The following PEX5L variants were observed in gnomAD, a reference collection of about 807,000 sequenced individuals.
The protein encoded by PEX5L is PEX5-related protein.
Under a neutral mutation model 84.0 loss-of-function variants are expected in PEX5L, and 30 were observed. That is an observed-to-expected ratio of 0.36 (90% CI 0.27 to 0.48). PEX5L has a LOEUF of 0.48. Among genes scored for constraint, PEX5L ranks in the 20% least tolerant of loss-of-function variants. PEX5L has a pLI of 0.99. For missense variants in PEX5L, 533 were observed against 754.6 expected (o/e 0.71, Z 3.44); for synonymous variants, 270 against 283.1 (o/e 0.95, Z 0.46).
chr3:180,001,727 T>C (rs1788437728), intron 1 of PEX5L, among the ~76,000 whole-genome samples: 2 of 152,210 alleles, frequency 1.3e-5, no homozygotes, highest in African/African-American at 4.8e-5. Flanking sequence ...TTGACATAAA[T>C]GCTTTACTGG....
At chr3:179,826,912 C>T (rs1242335972) in intron 8 of PEX5L, among the ~76,000 whole-genome samples, 1 of 152,114 alleles carries the variant, frequency 6.6e-6, no homozygotes, top group East Asian at 1.9e-4. Flanking sequence ...GATGTGGATG[C>T]TACCCTCAAG....
intron 2 of PEX5L, among the ~76,000 whole-genome samples, chr3:179,907,329 A>G (rs547001782): frequency 1.1e-4 from 17 of 151,776 alleles, no homozygotes; most frequent in African/African-American, 3.4e-4. Context: ...TCTTTGTTTT[A>G]GTTTTGAGAT....
chr3:180,018,720 G>A (rs1392266668), intron 1 of PEX5L, among the ~76,000 whole-genome samples: 1 of 152,158 alleles, frequency 6.6e-6, no homozygotes, highest in Non-Finnish European at 1.5e-5. Flanking sequence ...CAGAAAGCTT[G>A]AGGTAAACAT....
At chr3:179,993,228 C>T (rs780159498) in intron 1 of PEX5L, among the ~76,000 whole-genome samples, 5 of 152,058 alleles carry the variant, frequency 3.3e-5, no homozygotes, top group East Asian at 1.9e-4. Context: ...AATTTGAGCA[C>T]GTAATTAATA....
chr3:180,003,653 C>T (rs2110432909), intron 1 of PEX5L, among the ~76,000 whole-genome samples: 1 of 152,150 alleles, frequency 6.6e-6, no homozygotes, highest in Admixed American at 6.5e-5. Flanking sequence ...TATGATACAA[C>T]CGTTCTTCAA....
chr3:180,004,700 T>C (rs544339620), intron 1 of PEX5L, among the ~76,000 whole-genome samples: 26 of 152,216 alleles, frequency 1.7e-4, no homozygotes, highest in Admixed American at 8.5e-4. Context: ...CAAGATATAC[T>C]GAAGTTAAAC....
chr3:179,962,338 C>T (rs536130077), intron 2 of PEX5L, among the ~76,000 whole-genome samples: 17 of 152,290 alleles, frequency 1.1e-4, no homozygotes, highest in African/African-American at 3.6e-4. Context: ...GGCTGCAGAT[C>T]CCAAGTTCAA....
chr3:180,014,523 G>T (rs989805064), intron 1 of PEX5L, among the ~76,000 whole-genome samples: 1 of 151,958 alleles, frequency 6.6e-6, no homozygotes, highest in African/African-American at 2.4e-5. Context: ...GGAAAGTAGG[G>T]CTATTACTTT....
chr3:179,849,435 G>A (rs2339913), intron 8 of PEX5L, among the ~76,000 whole-genome samples: 73,123 of 152,034 alleles, frequency 0.48, 18,998 homozygotes, highest in East Asian at 0.75. Flanking sequence ...TTTCAACCAC[G>A]CATTTTACTA....
At chr3:179,961,141 G>A (rs964834768) in intron 2 of PEX5L, among the ~76,000 whole-genome samples, 17 of 151,472 alleles carry the variant, frequency 1.1e-4, no homozygotes, top group African/African-American at 4.1e-4. Context: ...AGATCATTTG[G>A]CCAAAAAATA....
At chr3:179,897,916 T>C (rs1289710636) in intron 3 of PEX5L, among the ~76,000 whole-genome samples, 5 of 152,164 alleles carry the variant, frequency 3.3e-5, no homozygotes, top group Non-Finnish European at 4.4e-5. Flanking sequence ...TTGTCTTAAC[T>C]AAAGTTGAGT....
intron 2 of PEX5L, among the ~76,000 whole-genome samples, chr3:179,965,484 A>C (rs1783103360): frequency 1.3e-5 from 2 of 152,194 alleles, no homozygotes; most frequent in South Asian, 2.1e-4. Flanking sequence ...CTGCTTAGTA[A>C]GCGGCAGGGC....
At chr3:179,894,405 T>C (rs1758552884) in intron 3 of PEX5L, among the ~76,000 whole-genome samples, 1 of 152,108 alleles carries the variant, frequency 6.6e-6, no homozygotes, top group Admixed American at 6.6e-5. Flanking sequence ...CTATTAGTCT[T>C]CTGGTAACGG....
intron 1 of PEX5L, among the ~76,000 whole-genome samples, chr3:180,006,503 T>C (rs1217990954): frequency 6.6e-6 from 1 of 152,182 alleles, no homozygotes; most frequent in African/African-American, 2.4e-5. Context: ...AGGTGAGGGC[T>C]TCTGGGAAGG....
Position 179,809,683 on chromosome 3 carries a change from G to T in PEX5L, c.1155-15C>A, listed in dbSNP as rs778446665. ...ATTCTAAGCACCTGAAAAAAAAAAAGAAGCCAATTTCAGATTTTTTTTTGA... is the reference window on the plus strand; with the variant it reads ...ATTCTAAGCACCTGAAAAAAAAAAATAAGCCAATTTCAGATTTTTTTTTGA... On this transcript the variant is annotated splice_polypyrimidine_tract_variant and intron_variant, in intron 11 of 14. Coordinates refer to ENST00000467460, the MANE Select transcript of PEX5L (RefSeq NM_016559.3). 1 of 1,025,586 alleles carries T rather than the reference G, an allele frequency of 9.8e-7. No homozygotes were observed. The highest frequency in any genetic ancestry group is 2.6e-5 in the East Asian group (1 of 38,160). 63.5% of individuals were successfully genotyped at this position (1,025,586 alleles called of 1,614,324 possible).
intron 1 of PEX5L, among the ~76,000 whole-genome samples, chr3:179,979,632 G>A (rs1200518217): frequency 1.3e-5 from 2 of 152,130 alleles, no homozygotes; most frequent in African/African-American, 4.8e-5. Flanking sequence ...GATCCCAGTG[G>A]CAAGGGAACA....
At chr3:179,863,867 C>T (rs1171630858) in intron 7 of PEX5L, among the ~76,000 whole-genome samples, 1 of 152,140 alleles carries the variant, frequency 6.6e-6, no homozygotes, top group African/African-American at 2.4e-5. Flanking sequence ...CCACCCAAAT[C>T]TCTTCTTGAA....
At chr3:179,949,891 T>C (rs780914064) in intron 2 of PEX5L, among the ~76,000 whole-genome samples, 8 of 152,184 alleles carry the variant, frequency 5.3e-5, no homozygotes, top group Non-Finnish European at 1.0e-4. Context: ...GCTGGCAACA[T>C]TGGCCCAGTC....
intron 2 of PEX5L, among the ~76,000 whole-genome samples, chr3:179,904,561 C>G (rs1762492370): frequency 6.6e-6 from 1 of 152,092 alleles, no homozygotes; most frequent in Non-Finnish European, 1.5e-5. Flanking sequence ...TTCATGGGCC[C>G]TAGGCACTTT....
Sources: gnomAD v4.1 joint callset for allele counts (sites outside exome capture counted in the v4.1 genomes callset) on GRCh38, gnomAD v4.1.1 for gene constraint, MANE v1.5 for transcripts, NCBI Gene and HGNC (gene_info 2026-07-23, HGNC 2026-07-21) for gene names.